The following TMEM217 variants were observed in gnomAD, a reference collection of about 807,000 sequenced individuals.
The protein encoded by TMEM217 is chromosome 6 open reading frame 128.
For synonymous variants in TMEM217, 76 were observed against 88.3 expected, an observed-to-expected ratio of 0.86 and a Z score of 0.78; for missense variants, 204 against 248.8, an observed-to-expected ratio of 0.82 and a Z score of 1.21.
intron 1 of TMEM217, among the ~76,000 whole-genome samples, chr6:37,229,060 A>G (rs913000292): frequency 2.4e-4 from 37 of 152,050 alleles, no homozygotes; most frequent in Non-Finnish European, 4.0e-4. Context: ...ATAAAAGCTT[A>G]CTTTGTGCCA....
intron 1 of TMEM217, among the ~76,000 whole-genome samples, chr6:37,256,031 T>C (rs961531425): frequency 6.6e-6 from 1 of 152,022 alleles, no homozygotes; most frequent in African/African-American, 2.4e-5. Context: ...GAAAAAGGAG[T>C]ATTTTGAGAT....
At chr6:37,214,372 C>T (rs147747269), downstream of TMEM217, among the ~76,000 whole-genome samples, 3 of 152,202 alleles carry the variant, frequency 2.0e-5, no homozygotes, top group Non-Finnish European at 2.9e-5. Flanking sequence ...GGATTACAAG[C>T]GTGCGCCAGC....
intron 1 of TMEM217, among the ~76,000 whole-genome samples, chr6:37,231,028 C>A (rs1764173644): frequency 6.6e-6 from 1 of 152,046 alleles, no homozygotes; most frequent in South Asian, 2.1e-4. Flanking sequence ...AAACCACTGT[C>A]ACTAAATTCC....
intron 1 of TMEM217, among the ~76,000 whole-genome samples, chr6:37,237,767 G>A (rs769803259): frequency 6.6e-6 from 1 of 152,048 alleles, no homozygotes; most frequent in Non-Finnish European, 1.5e-5. Flanking sequence ...AGTGAAAAAA[G>A]TACTAAAGAC....
chr6:37,226,859 C>T (rs1278327810), intron 1 of TMEM217, among the ~76,000 whole-genome samples: 1 of 152,206 alleles, frequency 6.6e-6, no homozygotes, highest in East Asian at 1.9e-4. Flanking sequence ...AGCCACGGCA[C>T]CCAGCCCAAG....
chr6:37,218,486 A>G, exon 2 of TMEM217: 1 of 1,613,898 alleles, frequency 6.2e-7, no homozygotes. Context: ...CGAAATTGAT[A>G]ATCTTTTATT....
chr6:37,257,789 C>G, exon 1 of TMEM217: 1 of 1,008,600 alleles, frequency 9.9e-7, no homozygotes, highest in Non-Finnish European at 1.5e-6. Flanking sequence ...AGATGGCGTC[C>G]CCAGGAGCTG....
intron 1 of TMEM217, among the ~76,000 whole-genome samples, chr6:37,247,389 CTTT>C (rs11323017): frequency 1.8e-4 from 23 of 127,740 alleles, no homozygotes; most frequent in Admixed American, 1.6e-4. Flanking sequence ...AACTTTTTTA[CTTT>C]TTTTTTTTTT....
intron 1 of TMEM217, among the ~76,000 whole-genome samples, chr6:37,237,227 C>G (rs1331367484): frequency 6.6e-6 from 1 of 152,174 alleles, no homozygotes. Flanking sequence ...TGAGTGTTCA[C>G]AATCAAAGTT....
chr6:37,249,126 C>T (rs939342263), intron 1 of TMEM217, among the ~76,000 whole-genome samples: 3 of 152,190 alleles, frequency 2.0e-5, no homozygotes, highest in Admixed American at 2.0e-4. Flanking sequence ...AAATCTTTAA[C>T]TTAATATCTG....
intron 1 of TMEM217, among the ~76,000 whole-genome samples, chr6:37,246,649 C>A (rs1053665153): frequency 6.6e-6 from 1 of 152,050 alleles, no homozygotes; most frequent in Non-Finnish European, 1.5e-5. Flanking sequence ...ACGTCTGTAA[C>A]CCCGGCACTT....
exon 4 of TMEM217, chr6:37,212,580 C>T (rs1031896102): frequency 4.0e-5 from 19 of 470,174 alleles, no homozygotes; most frequent in Admixed American, 4.0e-4. Context: ...AGTGCAGGAG[C>T]ATGTGTGAGA....
At chr6:37,230,651 G>A (rs115793410) in intron 1 of TMEM217, among the ~76,000 whole-genome samples, 7 of 152,188 alleles carry the variant, frequency 4.6e-5, no homozygotes, top group Non-Finnish European at 7.4e-5. Context: ...AAACCCCAAC[G>A]CTACTGACAC....
intron 1 of TMEM217, among the ~76,000 whole-genome samples, chr6:37,224,363 C>G: frequency 6.6e-6 from 1 of 151,268 alleles, no homozygotes; most frequent in South Asian, 2.1e-4. Flanking sequence ...CTTTGGGAGG[C>G]TGAGGTGGGC....
chr6:37,252,303 C>T (rs1031811844), intron 1 of TMEM217, among the ~76,000 whole-genome samples: 3 of 152,118 alleles, frequency 2.0e-5, no homozygotes, highest in Non-Finnish European at 2.9e-5. Context: ...TATTATTACA[C>T]AGCCCCGAGA....
At chr6:37,218,027 T>C in exon 2 of TMEM217, 1 of 993,504 alleles carries the variant, frequency 1.0e-6, no homozygotes, top group Non-Finnish European at 1.2e-6. Context: ...AGAGTGGCAG[T>C]AGGGTCTCTA....
At chr6:37,257,958 C>G in exon 1 of TMEM217, 1 of 1,614,140 alleles carries the variant, frequency 6.2e-7, no homozygotes. Context: ...AAGAGGAGCG[C>G]TAAGCTGCCG....
intron 1 of TMEM217, among the ~76,000 whole-genome samples, chr6:37,226,210 T>G (rs1458212684): frequency 6.6e-6 from 1 of 151,786 alleles, no homozygotes; most frequent in Non-Finnish European, 1.5e-5. Context: ...AAGAGATATC[T>G]CCCCTTTATC....
chr6:37,251,718 A>G (rs1438199565), intron 1 of TMEM217, among the ~76,000 whole-genome samples: 1 of 152,214 alleles, frequency 6.6e-6, no homozygotes, highest in African/African-American at 2.4e-5. Context: ...GACGGAGGGG[A>G]ATGAGATCAG....
Sources: allele counts gnomAD v4.1 joint callset (sites outside exome capture counted in the v4.1 genomes callset), GRCh38; gene constraint gnomAD v4.1.1; transcripts MANE v1.5; gene names NCBI Gene and HGNC (gene_info 2026-07-23, HGNC 2026-07-21).